The following IPP variants were observed in gnomAD, a reference collection of about 807,000 sequenced individuals.
IPP encodes the protein intracisternal A particle-promoted polypeptide.
In IPP, 41 loss-of-function variants were observed where a neutral mutation model predicts 64.1. The observed-to-expected ratio is 0.64, with a 90% CI of 0.50 to 0.83. The LOEUF is 0.83. IPP is among the 40% of genes least tolerant of loss of function. The pLI, the probability that IPP is intolerant of heterozygous loss-of-function variation, is 0.00. For synonymous variants in IPP, 214 were observed against 235.2 expected, an observed-to-expected ratio of 0.91 and a Z score of 0.83; for missense variants, 649 against 703.0, an observed-to-expected ratio of 0.92 and a Z score of 0.87.
At chr1:45,710,267 A>C (rs1645572650) in intron 8 of IPP, among the ~76,000 whole-genome samples, 1 of 116,774 alleles carries the variant, frequency 8.6e-6, no homozygotes, top group Non-Finnish European at 1.8e-5. Context: ...AGCTAAGAAA[A>C]CATGATGTGA....
chr1:45,738,570 G>A (rs748675825), intron 3 of IPP, among the ~76,000 whole-genome samples: 5 of 152,170 alleles, frequency 3.3e-5, no homozygotes, highest in Middle Eastern at 6.8e-3. Context: ...GCCGGGCGTA[G>A]TGGCTCACAC....
intron 1 of IPP, among the ~76,000 whole-genome samples, chr1:45,748,611 G>T (rs1191906786): frequency 6.6e-6 from 1 of 152,158 alleles, no homozygotes; most frequent in Non-Finnish European, 1.5e-5. Context: ...AGTCCAGGCT[G>T]CAGTGAGCTG....
chr1:45,732,453 T>A (rs1451345429), intron 3 of IPP, among the ~76,000 whole-genome samples: 5 of 142,740 alleles, frequency 3.5e-5, no homozygotes, highest in African/African-American at 5.4e-5. Context: ...GAAAACAAAG[T>A]AAGAAATGAA....
chr1:45,725,983 C>G (rs1443292614), intron 5 of IPP, among the ~76,000 whole-genome samples: 4 of 143,042 alleles, frequency 2.8e-5, no homozygotes, highest in Non-Finnish European at 6.1e-5. Flanking sequence ...CCTAGGAAAA[C>G]CAGAGACCTT....
chr1:45,724,976 G>A (rs1645793407), intron 5 of IPP, among the ~76,000 whole-genome samples: 1 of 145,708 alleles, frequency 6.9e-6, no homozygotes, highest in East Asian at 2.2e-4. Flanking sequence ...GAAGTGAGGA[G>A]CCCCTCTGCC....
At position 45,714,386 on chromosome 1, in the gene IPP, G is replaced by T; in HGVS notation, c.1390C>A (p.Arg464Ser). 14 of 1,613,860 alleles carry T rather than the reference G, an allele frequency of 8.7e-6. No homozygotes were observed. Among genetic ancestry groups the T allele is most frequent in the Non-Finnish European group, 1.2e-5 (14 of 1,179,750 alleles). Reference sequence around the variant, plus strand: ...CCCATTGGAGGAAGTGGAGACCAACGCTTAGAAAGTGGATCATAGACTTCA... The same window carrying T: ...CCCATTGGAGGAAGTGGAGACCAACTCTTAGAAAGTGGATCATAGACTTCA... ...SFEVYDPLSK[R>S]WSPLPPMGTR... Residue 464 changes from arginine to serine, a missense_variant, in exon 8 of 9, where the codon CGT (arginine) becomes AGT (serine). By Grantham distance (110) the Arg-to-Ser change is moderately radical. Coordinates refer to ENST00000396478, the MANE Select transcript of IPP (RefSeq NM_005897.3).
intron 2 of IPP, among the ~76,000 whole-genome samples, chr1:45,744,805 C>T (rs1050623965): frequency 2.6e-5 from 4 of 151,410 alleles, no homozygotes; most frequent in Admixed American, 1.3e-4. Flanking sequence ...CGCCACTACA[C>T]TCCAGCCTGG....
At chr1:45,713,653 C>G (rs1645621062) in intron 8 of IPP, among the ~76,000 whole-genome samples, 1 of 152,132 alleles carries the variant, frequency 6.6e-6, no homozygotes, top group African/African-American at 2.4e-5. Flanking sequence ...CAGCCTTGAC[C>G]TCCTAGGCTC....
chr1:45,700,042 T>C lies in IPP; in HGVS notation c.1679A>G (p.Asn560Ser), dbSNP rs761765658. 36 of 1,613,972 alleles carry C rather than the reference T, an allele frequency of 2.2e-5. No homozygotes were observed. The highest frequency in any genetic ancestry group is 3.0e-5 in the Non-Finnish European group (35 of 1,180,016). ...TTCTGTCCATGTATCTGAATGAGGG[T>C]TATAAACTTCAACTGAGTCCAAGGT... ...PGTLDSVEVY[N>S]PHSDTWTEIG... Residue 560 changes from asparagine (N) to serine (S), a missense_variant, in exon 9 of 9, where the codon AAC becomes AGC. Asn to Ser is a conservative substitution (Grantham distance 46, BLOSUM62 1). Coordinates refer to ENST00000396478, the MANE Select transcript of IPP (RefSeq NM_005897.3).
intron 7 of IPP, among the ~76,000 whole-genome samples, chr1:45,716,033 C>T (rs1297479022): frequency 6.6e-6 from 1 of 152,128 alleles, no homozygotes; most frequent in Admixed American, 6.6e-5. Flanking sequence ...AATCAGCTCT[C>T]CAATCCTACA....
At chr1:45,745,785 A>G (rs765159336) in intron 2 of IPP, among the ~76,000 whole-genome samples, 33 of 152,006 alleles carry the variant, frequency 2.2e-4, no homozygotes, top group Non-Finnish European at 2.9e-5. Flanking sequence ...GAATCGCTTG[A>G]ACCTGGGAGG....
intron 5 of IPP, among the ~76,000 whole-genome samples, chr1:45,724,536 G>C (rs1201981853): frequency 6.7e-6 from 1 of 150,298 alleles, no homozygotes; most frequent in African/African-American, 2.5e-5. Context: ...GAAGCGAGGA[G>C]CGCCTCTTCC....
At chr1:45,700,569 C>T (rs751181310) in intron 8 of IPP, among the ~76,000 whole-genome samples, 1 of 152,070 alleles carries the variant, frequency 6.6e-6, no homozygotes, top group Non-Finnish European at 1.5e-5. Context: ...AACTCCTAAA[C>T]TCAAGTGATT....
intron 8 of IPP, among the ~76,000 whole-genome samples, chr1:45,705,144 A>G (rs1254183211): frequency 6.6e-6 from 1 of 152,240 alleles, no homozygotes. Flanking sequence ...ATCCTGAGCA[A>G]GGCCAAGAAC....
downstream of IPP, chr1:45,694,681 A>ATTTATT: frequency 1.8e-6 from 1 of 553,700 alleles, no homozygotes; most frequent in South Asian, 2.5e-5. Context: ...ATTCAAAGGT[A>ATTTATT]AGTTGGACAT....
intron 8 of IPP, among the ~76,000 whole-genome samples, chr1:45,708,076 T>A (rs1187657039): frequency 1.3e-5 from 2 of 151,524 alleles, no homozygotes; most frequent in Non-Finnish European, 2.9e-5. Flanking sequence ...TTTACTTTTT[T>A]TTTTTTGAGA....
intron 2 of IPP, among the ~76,000 whole-genome samples, chr1:45,744,790 G>C (rs1040545545): frequency 6.7e-6 from 1 of 150,372 alleles, no homozygotes; most frequent in African/African-American, 2.5e-5. Flanking sequence ...AGTGAGCCGA[G>C]ACCACGCCAC....
intron 5 of IPP, among the ~76,000 whole-genome samples, chr1:45,724,429 C>T (rs1488627871): frequency 6.6e-6 from 1 of 152,014 alleles, no homozygotes; most frequent in Non-Finnish European, 1.5e-5. Flanking sequence ...AGCGTCTCTG[C>T]CTGGCCGCCC....
rs1645796663 is a variant in IPP at position 45,725,075 on chromosome 1, GC to G, written c.1048+2555del. 3.4e-4 allele frequency among the ~76,000 whole-genome samples: 47 copies of G among 139,920 alleles called. 1 individual carries two copies. Among genetic ancestry groups the G allele is most frequent in the Admixed American group, 3.3e-3 (46 of 14,148 alleles). The allele number at this position is 139,920 out of a possible 152,430, so 91.8% of individuals were successfully genotyped here. On this transcript the variant is annotated intron_variant, in intron 5 of 8. Coordinates refer to ENST00000396478, the MANE Select transcript of IPP (RefSeq NM_005897.3). ...GTCCGGGAGGGAGGTGGGGGGGTCAGCCCCCCGCCCGGCCAGCCGCCCCGTC... is the reference window on the plus strand; with the variant it reads ...GTCCGGGAGGGAGGTGGGGGGGTCAGCCCCCGCCCGGCCAGCCGCCCCGTC...
Sources: gnomAD v4.1 joint callset for allele counts (sites outside exome capture counted in the v4.1 genomes callset) on GRCh38, gnomAD v4.1.1 for gene constraint, MANE v1.5 for transcripts, NCBI Gene and HGNC (gene_info 2026-07-23, HGNC 2026-07-21) for gene names.